Variants in PTCD3 observed in about 807,000 individuals in gnomAD.
PTCD3 encodes small ribosomal subunit protein mS39.
In PTCD3, 89 loss-of-function variants were observed where a neutral mutation model predicts 101.9. The observed-to-expected ratio is 0.87, with a 90% CI of 0.74 to 1.04. The LOEUF is 1.04. Among genes scored for constraint, PTCD3 ranks in the 50% least tolerant of loss-of-function variants. The probability of loss-of-function intolerance (pLI) is 0.00; values close to 1 mark genes in which losing one functional copy is unlikely to be tolerated. For missense variants in PTCD3, 870 were observed against 828.2 expected (o/e 1.05, Z -0.62); for synonymous variants, 296 against 278.5 (o/e 1.06, Z -0.63).
intron 9 of PTCD3, 60 bp downstream of exon 9, chr2:86,123,822 C>T (rs1674336989): frequency 1.8e-6 from 2 of 1,099,192 alleles, no homozygotes; most frequent in Non-Finnish European, 2.5e-6. Flanking sequence ...GGAATATGCC[C>T]CATCACCCTG....
chr2:86,121,322 T>C, intron 7 of PTCD3, 157 bp from the exon 8 acceptor site: 1 of 486,096 alleles, frequency 2.1e-6, no homozygotes, highest in Non-Finnish European at 3.6e-6. Context: ...TCACTTCAGG[T>C]GTTTAAGTTG....
intron 3 of PTCD3, among the ~76,000 whole-genome samples, chr2:86,109,105 T>A (rs1163222551): frequency 6.6e-6 from 1 of 151,772 alleles, no homozygotes; most frequent in Non-Finnish European, 1.5e-5. Context: ...TAAAATTATG[T>A]GACCTAAAGA....
intron 6 of PTCD3, among the ~76,000 whole-genome samples, 194 bp downstream of exon 6, chr2:86,117,353 A>G (rs1234414788): frequency 6.6e-6 from 1 of 152,008 alleles, no homozygotes; most frequent in Non-Finnish European, 1.5e-5. Context: ...TCTTCATCTT[A>G]ATATTTTCCC....
intron 14 of PTCD3, among the ~76,000 whole-genome samples, chr2:86,130,073 G>A (rs983743851): frequency 8.5e-5 from 13 of 152,144 alleles, no homozygotes; most frequent in Non-Finnish European, 1.8e-4. Flanking sequence ...AGGCCGAGGC[G>A]GGCAGATCAC....
At chr2:86,135,031 T>C (rs761772728) in intron 21 of PTCD3, 44 bp downstream of exon 21, 2 of 1,559,924 alleles carry the variant, frequency 1.3e-6, no homozygotes, top group Non-Finnish European at 1.7e-6. Context: ...GCTTTTGTAT[T>C]TGAATCTAAA....
Position 86,138,544 on chromosome 2 carries a change from TCTA to T in PTCD3, c.*988_*990del, listed in dbSNP as rs922674948. The T allele has an allele frequency of 4.6e-5, 7 of 152,298 alleles. No individual in the cohort carries two copies. The highest frequency in any genetic ancestry group is 1.7e-4 in the African/African-American group (7 of 41,562). The allele number at this position is 152,298 out of a possible 1,614,324, so 9.4% of individuals were successfully genotyped here. A position where few individuals can be genotyped will look rare whatever the true frequency, so the allele number is the denominator to read the frequency against. On this transcript the variant is annotated 3_prime_UTR_variant, in exon 24 of 24. Transcript: ENST00000254630. ...AGTTGACAATTATGGGATACTCTAG[TCTA>T]CTTATACTTGTGTTCCCATCTGTCT...
At position 86,137,892 on chromosome 2, in the gene PTCD3, C is replaced by T. The variant is rs1052985274; in HGVS notation, c.*333C>T. On this transcript the variant is annotated 3_prime_UTR_variant, in exon 24 of 24. Transcript: ENST00000254630. ...TGAGCTGACCTCACGATGCTGTCCT[C>T]GTGCGATTGCCCTCTCCTGCTGCTG... 3 of 259,236 alleles carry T rather than the reference C, an allele frequency of 1.2e-5. No homozygotes were observed. The highest frequency in any genetic ancestry group is 1.5e-3 in the Middle Eastern group (1 of 682). The allele number at this position is 259,236 out of a possible 1,614,324, so 16.1% of individuals were successfully genotyped here. A position where few individuals can be genotyped will look rare whatever the true frequency, so the allele number is the denominator to read the frequency against.
At chr2:86,129,080 A>ATTTTTTTTTTTT (rs1674449305) in intron 14 of PTCD3, among the ~76,000 whole-genome samples, 1 of 152,172 alleles carries the variant, frequency 6.6e-6, no homozygotes, top group African/African-American at 2.4e-5. Flanking sequence ...GTATAGGCAA[A>ATTTTTTTTTTTT]TTTTATCTTT....
intron 17 of PTCD3, 51 bp from the exon 18 acceptor site, chr2:86,133,127 T>C: frequency 6.3e-7 from 1 of 1,584,658 alleles, no homozygotes; most frequent in Non-Finnish European, 8.6e-7. Flanking sequence ...ATTTCCCCTG[T>C]TGTTAGACAT....
In PTCD3 at chr2:86,139,883, G is replaced by C. The variant is rs994189878; in HGVS notation, c.*2324G>C. On this transcript the variant is annotated 3_prime_UTR_variant, in exon 24 of 24. Transcript: ENST00000254630. ...GTCTTACTATATGTGGAATAAACTT[G>C]CTCAGTGTTGCCACAGAGTTACATT... The C allele has an allele frequency of 2.6e-5, 4 of 152,160 alleles. No homozygotes were observed. The highest frequency in any genetic ancestry group is 9.7e-5 in the African/African-American group (4 of 41,426). The allele number at this position is 152,160 out of a possible 1,614,324, so 9.4% of individuals were successfully genotyped here. A position where few individuals can be genotyped will look rare whatever the true frequency, so the allele number is the denominator to read the frequency against.
chr2:86,110,387 T>G (rs375927190), intron 3 of PTCD3, among the ~76,000 whole-genome samples: 20 of 152,266 alleles, frequency 1.3e-4, no homozygotes, highest in African/African-American at 4.3e-4. Flanking sequence ...AAGAATGTTA[T>G]GTTAAACTTT....
intron 3 of PTCD3, among the ~76,000 whole-genome samples, chr2:86,109,176 C>A (rs996077243): frequency 6.6e-6 from 1 of 152,076 alleles, no homozygotes; most frequent in Non-Finnish European, 1.5e-5. Context: ...GAGGCCGAGG[C>A]GGGCGGATGA....
chr2:86,106,667 T>C (rs1375543412), intron 1 of PTCD3, among the ~76,000 whole-genome samples: 1 of 152,136 alleles, frequency 6.6e-6, no homozygotes, highest in Non-Finnish European at 1.5e-5. Context: ...AAATTAAAAA[T>C]TATCCGCCAT....
chr2:86,116,743 C>G, intron 5 of PTCD3, 145 bp downstream of exon 5: 4 of 685,852 alleles, frequency 5.8e-6, no homozygotes, highest in Non-Finnish European at 9.9e-6. Flanking sequence ...CTACTTTCTT[C>G]AAAAAGATGT....
intron 12 of PTCD3, among the ~76,000 whole-genome samples, chr2:86,126,242 A>G (rs1674387180): frequency 1.3e-5 from 2 of 149,884 alleles, no homozygotes; most frequent in South Asian, 4.2e-4. Context: ...AAAAAAAAAA[A>G]AGAAAAAGAA....
chr2:86,136,503 T>C lies in PTCD3; in HGVS notation c.1779-18T>C. The stretch of plus-strand genomic sequence containing the variant: ...GTTTTTCTAATAGTATTCATAATCT[T>C]TTTCCTTTCTTGAGCAGGAAAATGT... On this transcript the variant is annotated intron_variant, in intron 21 of 23. Coordinates refer to ENST00000254630, the MANE Select transcript of PTCD3 (RefSeq NM_017952.6). 6.2e-7 allele frequency: 1 copy of C among 1,601,226 alleles called. No individual in the cohort carries two copies. Among genetic ancestry groups the C allele is most frequent in the Non-Finnish European group, 8.6e-7 (1 of 1,168,318 alleles).
At chr2:86,117,254 C>A (rs983576277) in intron 6 of PTCD3, 95 bp downstream of exon 6, 5 of 572,240 alleles carry the variant, frequency 8.7e-6, no homozygotes, top group Non-Finnish European at 1.6e-5. Flanking sequence ...TATTTGAATA[C>A]CCTCAATATT....
intron 8 of PTCD3, among the ~76,000 whole-genome samples, chr2:86,123,298 G>A (rs1319016610): frequency 6.6e-6 from 1 of 151,724 alleles, no homozygotes; most frequent in Admixed American, 6.6e-5. Flanking sequence ...GTTTGCTTGG[G>A]TGAGTGTTAG....
intron 14 of PTCD3, among the ~76,000 whole-genome samples, chr2:86,129,789 A>G (rs1057151275): frequency 3.9e-4 from 59 of 152,342 alleles, no homozygotes; most frequent in African/African-American, 1.3e-3. Flanking sequence ...GTGAAACTCT[A>G]TCTGTACTGT....
Sources: allele counts gnomAD v4.1 joint callset (sites outside exome capture counted in the v4.1 genomes callset), GRCh38; gene constraint gnomAD v4.1.1; transcripts MANE v1.5; gene names NCBI Gene and HGNC (gene_info 2026-07-23, HGNC 2026-07-21).